RBMXL1: variants seen among roughly 807,000 people sequenced by gnomAD.
The protein encoded by RBMXL1 is RBMX like 1, also known as RNA binding motif protein, X-linked-like-1.
Under a neutral mutation model 29.0 loss-of-function variants are expected in RBMXL1, and 18 were observed. That is an observed-to-expected ratio of 0.62 (90% confidence interval 0.43 to 0.92). The LOEUF (loss-of-function observed/expected upper bound fraction) is 0.92. Among genes scored for constraint, RBMXL1 ranks in the 40% least tolerant of loss-of-function variants. The pLI, the probability that RBMXL1 is intolerant of heterozygous loss-of-function variation, is 0.00. For synonymous variants in RBMXL1, 141 were observed against 170.4 expected, an observed-to-expected ratio of 0.83 and a Z score of 1.34; for missense variants, 403 against 495.8, an observed-to-expected ratio of 0.81 and a Z score of 1.78.
Position 88,980,346 on chromosome 1 carries a change from C to G in RBMXL1, c.*2308G>C, listed in dbSNP as rs1677021268. On this transcript the variant is annotated 3_prime_UTR_variant, in exon 3 of 3. Transcript: ENST00000652648. ...AAAAGCTGCCAGAGTATTCTGAAAT[C>G]ATGCCTTCTTTTCTCCCTCTGGACC... is the stretch of plus-strand genomic sequence containing the variant. 6.6e-6 allele frequency: 1 copy of G among 152,488 alleles called. No homozygotes were observed. Among genetic ancestry groups the G allele is most frequent in the Non-Finnish European group, 1.5e-5 (1 of 68,026 alleles). The allele number at this position is 152,488 out of a possible 1,614,324, so 9.4% of individuals were successfully genotyped here. A position where few individuals can be genotyped will look rare whatever the true frequency, so the allele number is the denominator to read the frequency against.
rs1413421960 is a variant in RBMXL1 at position 88,980,636 on chromosome 1, T to C, written c.*2018A>G. 1 of 152,606 alleles carries C rather than the reference T, an allele frequency of 6.6e-6. No individual in the cohort carries two copies. The highest frequency in any genetic ancestry group is 1.5e-5 in the Non-Finnish European group (1 of 68,040). 9.5% of individuals were successfully genotyped at this position (152,606 alleles called of 1,614,324 possible). On this transcript the variant is annotated 3_prime_UTR_variant, in exon 3 of 3. Transcript: ENST00000652648. ...CCACACGTCTGCTAGTTCAGTAAAC[T>C]ATTTATCAAACAGGTGTCTGGTCAT... is the stretch of plus-strand genomic sequence containing the variant.
In RBMXL1 at chr1:88,981,754, C is replaced by T. The variant is rs1570835924; in HGVS notation, c.*900G>A. 2 of 182,240 alleles carry T rather than the reference C, an allele frequency of 1.1e-5. No homozygotes were observed. Among genetic ancestry groups the T allele is most frequent in the East Asian group, 1.9e-4 (1 of 5,364 alleles). 11.3% of individuals were successfully genotyped at this position (182,240 alleles called of 1,614,324 possible). A position where few individuals can be genotyped will look rare whatever the true frequency, so the allele number is the denominator to read the frequency against. ...CATAATGAGCACAATCTTCAACCAT[C>T]TTTGCTGTTTCACAGGCATTTGATG... is the stretch of plus-strand genomic sequence containing the variant. On this transcript the variant is annotated 3_prime_UTR_variant, in exon 3 of 3. Coordinates refer to ENST00000652648, the MANE Select transcript of RBMXL1 (RefSeq NM_001162536.3).
intron 1 of RBMXL1, among the ~76,000 whole-genome samples, chr1:88,990,054 CCTT>C (rs1235241975): frequency 1.3e-5 from 2 of 152,168 alleles, no homozygotes; most frequent in African/African-American, 4.8e-5. Context: ...AATCCCTCTA[CCTT>C]CTTCCTCAGT....
intron 2 of RBMXL1, 110 bp downstream of exon 2, chr1:88,988,142 G>A: frequency 1.5e-6 from 1 of 685,154 alleles, no homozygotes; most frequent in Non-Finnish European, 2.5e-6. Context: ...ATATGTAATA[G>A]AAATGTTCAT....
At chr1:88,991,142 A>G (rs1259601354) in intron 1 of RBMXL1, among the ~76,000 whole-genome samples, 3 of 152,218 alleles carry the variant, frequency 2.0e-5, no homozygotes, top group Non-Finnish European at 4.4e-5. Context: ...TTTAAAATGA[A>G]GATTCAGAAA....
intron 1 of RBMXL1, among the ~76,000 whole-genome samples, chr1:88,988,625 C>A (rs1677610183): frequency 6.6e-6 from 1 of 152,064 alleles, no homozygotes; most frequent in African/African-American, 2.4e-5. Context: ...AAAAATAAGG[C>A]TTTAATTTAG....
intron 2 of RBMXL1, among the ~76,000 whole-genome samples, chr1:88,987,464 A>G (rs1174090225): frequency 1.3e-5 from 2 of 152,232 alleles, no homozygotes; most frequent in African/African-American, 4.8e-5. Context: ...AAACCAGTTG[A>G]GAGATTAGAA....
chr1:88,988,168 G>T, intron 2 of RBMXL1, 84 bp downstream of exon 2: 1 of 832,192 alleles, frequency 1.2e-6, no homozygotes, highest in Middle Eastern at 2.7e-4. Flanking sequence ...TAAAGTATTT[G>T]TAAAAAAGCA....
chr1:88,983,884 G>A lies in RBMXL1; in HGVS notation c.-58C>T. 1.9e-6 allele frequency: 3 copies of A among 1,603,966 alleles called. No individual in the cohort carries two copies. The highest frequency in any genetic ancestry group is 2.2e-5 in the East Asian group (1 of 44,814). ...AGTGGGTTCAAGCTCCAACAAGCTC[G>A]CCGACAGGGGCTTCCTAGCAGCTCA... On this transcript the variant is annotated 5_prime_UTR_variant, in exon 3 of 3. Transcript: ENST00000652648.
chr1:88,992,009 T>G (rs6675968), intron 1 of RBMXL1, among the ~76,000 whole-genome samples: 28,022 of 147,956 alleles, frequency 0.19, 3,257 homozygotes, highest in East Asian at 0.37. Flanking sequence ...GACGGAGTCT[T>G]GCTCTGTCGC....
Position 88,982,431 on chromosome 1 carries a change from A to G in RBMXL1, c.*223T>C. On this transcript the variant is annotated 3_prime_UTR_variant, in exon 3 of 3. Coordinates refer to ENST00000652648, the MANE Select transcript of RBMXL1 (RefSeq NM_001162536.3). ...TACTACAAGGCTTAACACATTTAAC[A>G]TTTGCTTGTTGAAAAGCAATGTCAT... 1.0e-6 allele frequency: 1 copy of G among 970,966 alleles called. No homozygotes were observed. Among genetic ancestry groups the G allele is most frequent in the South Asian group, 1.9e-5 (1 of 53,000 alleles). 60.1% of individuals were successfully genotyped at this position (970,966 alleles called of 1,614,324 possible). A position where few individuals can be genotyped will look rare whatever the true frequency, so the allele number is the denominator to read the frequency against.
chr1:88,992,606 C>G lies in RBMXL1; in HGVS notation c.-362G>C, dbSNP rs895586208. The G allele has an allele frequency of 2.0e-5, 3 of 152,806 alleles. No individual in the cohort carries two copies. The highest frequency in any genetic ancestry group is 7.2e-5 in the African/African-American group (3 of 41,476). The allele number at this position is 152,806 out of a possible 1,614,324, so 9.5% of individuals were successfully genotyped here. On this transcript the variant is annotated 5_prime_UTR_variant, in exon 1 of 3. Transcript: ENST00000652648. ...TCACCTATCCGGTGCGGGAACCTCG[C>G]CTCCCTAGGCTCGAGTCCCGACTGG...
In RBMXL1 at chr1:88,983,954, G is replaced by C; in HGVS notation, c.-128C>G. On this transcript the variant is annotated 5_prime_UTR_variant, in exon 3 of 3. Transcript: ENST00000652648. Reference sequence around the variant, plus strand: ...GTTAGGAGGACTGAACCGCGAAGCCGCTAGCACTACTGCGCAATCTGGATG... The same window carrying C: ...GTTAGGAGGACTGAACCGCGAAGCCCCTAGCACTACTGCGCAATCTGGATG... 3 of 1,041,758 alleles carry C rather than the reference G, an allele frequency of 2.9e-6. No homozygotes were observed. The highest frequency in any genetic ancestry group is 4.4e-6 in the Non-Finnish European group (3 of 682,382). The allele number at this position is 1,041,758 out of a possible 1,614,324, so 64.5% of individuals were successfully genotyped here.
In RBMXL1 at chr1:88,990,852, C is replaced by CAT. The variant is rs200723667; in HGVS notation, c.-341+1731_-341+1732dup. ...GCATTTTCTAATGCAATCAACATTGCATATATATATATTCACAAATGAGAT... is the reference window on the plus strand; with the variant it reads ...GCATTTTCTAATGCAATCAACATTGCATATATATATATATTCACAAATGAGAT... On this transcript the variant is annotated intron_variant, in intron 1 of 2. Transcript: ENST00000652648. Among the ~76,000 whole-genome samples, 611 of 151,934 alleles carry CAT rather than the reference C, an allele frequency of 4.0e-3. 17 individuals are homozygous for CAT. The highest frequency in any genetic ancestry group is 1.6e-3 in the Non-Finnish European group (108 of 67,956).
At chr1:88,987,343 G>A (rs1399224671) in intron 2 of RBMXL1, among the ~76,000 whole-genome samples, 1 of 152,068 alleles carries the variant, frequency 6.6e-6, no homozygotes, top group Non-Finnish European at 1.5e-5. Flanking sequence ...GGTCACGGTG[G>A]CATAAAGAGG....
Position 88,983,993 on chromosome 1 carries a change from G to A in RBMXL1, c.-167C>T, listed in dbSNP as rs1677284416. ...GCAATCTGGATGCTTTTTAAGGTAT[G>A]GCTATCCATTCAAAAAACCAGGAAA... On this transcript the variant is annotated 5_prime_UTR_variant, in exon 3 of 3. Coordinates refer to ENST00000652648, the MANE Select transcript of RBMXL1 (RefSeq NM_001162536.3). 3 of 577,962 alleles carry A rather than the reference G, an allele frequency of 5.2e-6. No homozygotes were observed. The highest frequency in any genetic ancestry group is 4.1e-4 in the Middle Eastern group (1 of 2,432). The allele number at this position is 577,962 out of a possible 1,614,324, so 35.8% of individuals were successfully genotyped here.
rs1473366898 is a variant in RBMXL1, at chr1:88,980,913, A to G, written c.*1741T>C. 6.6e-6 allele frequency: 1 copy of G among 152,218 alleles called. No individual in the cohort carries two copies. The highest frequency in any genetic ancestry group is 2.4e-5 in the African/African-American group (1 of 41,444). The allele number at this position is 152,218 out of a possible 1,614,324, so 9.4% of individuals were successfully genotyped here. ...GATTAGTAGTAGTCTGCCAAATGAG[A>G]GTTAAAAATGTTGTACTTACTATCC... On this transcript the variant is annotated 3_prime_UTR_variant, in exon 3 of 3. Transcript: ENST00000652648.
chr1:88,982,616 C>G lies in RBMXL1; in HGVS notation c.*38G>C. On this transcript the variant is annotated 3_prime_UTR_variant, in exon 3 of 3. Transcript: ENST00000652648. ...ATAGTTTCCACTCTTTTTTTTGTTT[C>G]TTTGAACTGGGATTTTGGTCCAAAG... is the stretch of plus-strand genomic sequence containing the variant. The G allele has an allele frequency of 6.5e-7, 1 of 1,548,488 alleles. No individual in the cohort carries two copies. Among genetic ancestry groups the G allele is most frequent in the South Asian group, 1.2e-5 (1 of 80,468 alleles).
Position 88,984,074 on chromosome 1 carries a change from G to A in RBMXL1, c.-240-8C>T. 1 of 430,104 alleles carries A rather than the reference G, an allele frequency of 2.3e-6. No individual in the cohort carries two copies. Among genetic ancestry groups the A allele is most frequent in the South Asian group, 2.8e-5 (1 of 36,104 alleles). The allele number at this position is 430,104 out of a possible 1,614,324, so 26.6% of individuals were successfully genotyped here. ...GAAAACAACAGAATGTTCCTGTAATGGTGGAAGAAATGAAAGTAAAACTCA... is the reference window on the plus strand; with the variant it reads ...GAAAACAACAGAATGTTCCTGTAATAGTGGAAGAAATGAAAGTAAAACTCA... On this transcript the variant is annotated splice_polypyrimidine_tract_variant and splice_region_variant and intron_variant, in intron 2 of 2. Transcript: ENST00000652648.
Sources: gnomAD v4.1 joint callset for allele counts (sites outside exome capture counted in the v4.1 genomes callset) on GRCh38, gnomAD v4.1.1 for gene constraint, MANE v1.5 for transcripts, NCBI Gene and HGNC (gene_info 2026-07-23, HGNC 2026-07-21) for gene names.